The following MTF2 variants were observed in gnomAD, a reference collection of about 807,000 sequenced individuals.
MTF2 encodes metal response element binding transcription factor 2.
In MTF2, 11 loss-of-function variants were observed where a neutral mutation model predicts 79.5. The ratio of observed to expected loss-of-function variants is 0.14; its 90% CI spans 0.09 to 0.23. MTF2 has a LOEUF of 0.23. Among genes scored for constraint, MTF2 ranks in the 10% least tolerant of loss-of-function variants. The pLI is 1.00. For synonymous variants in MTF2, 208 were observed against 232.8 expected (o/e 0.89, Z 0.97); for missense variants, 486 against 711.2 (o/e 0.68, Z 3.60).
Position 93,127,407 on chromosome 1 carries a change from C to T in MTF2, c.989+108C>T. 2.9e-6 allele frequency: 2 copies of T among 681,674 alleles called. 1 individual carries two copies. The highest frequency in any genetic ancestry group is 3.8e-5 in the South Asian group (2 of 53,244). 42.2% of individuals were successfully genotyped at this position (681,674 alleles called of 1,614,324 possible). A position where few individuals can be genotyped will look rare whatever the true frequency, so the allele number is the denominator to read the frequency against. ...GATTGATGTACAGAAGAAGTCTATACCATTTTAAACTTTATAATGTCCTAT... is the reference window on the plus strand; with the variant it reads ...GATTGATGTACAGAAGAAGTCTATATCATTTTAAACTTTATAATGTCCTAT... On this transcript the variant is annotated intron_variant, in intron 10 of 14. Coordinates refer to ENST00000370298, the MANE Select transcript of MTF2 (RefSeq NM_007358.4).
chr1:93,125,801 A>G (rs1051534221), intron 9 of MTF2, among the ~76,000 whole-genome samples: 1 of 152,064 alleles, frequency 6.6e-6, no homozygotes, highest in Non-Finnish European at 1.5e-5. Context: ...TAATCTTATA[A>G]TTAGACATAA....
At chr1:93,085,092 G>A in intron 1 of MTF2, among the ~76,000 whole-genome samples, 1 of 152,040 alleles carries the variant, frequency 6.6e-6, no homozygotes, top group East Asian at 1.9e-4. Context: ...AGTTTGTGAA[G>A]TGCTTATCTA....
At chr1:93,090,448 A>G (rs1655030940) in intron 1 of MTF2, among the ~76,000 whole-genome samples, 1 of 150,908 alleles carries the variant, frequency 6.6e-6, no homozygotes, top group Non-Finnish European at 1.5e-5. Flanking sequence ...GGGTTTCTCC[A>G]TGCTGGCCAG....
At position 93,136,798 on chromosome 1, in the gene MTF2, A is replaced by T; in HGVS notation, c.1553A>T (p.Asp518Val). 6.2e-7 allele frequency: 1 copy of T among 1,614,230 alleles called. No individual in the cohort carries two copies. Among genetic ancestry groups the T allele is most frequent in the East Asian group, 2.2e-5 (1 of 44,892 alleles). ...LQTQNSEIVK[D>V]DEGKEDYQFD... Reference sequence around the variant, plus strand: ...ACTCAGAACTCAGAAATTGTAAAAGATGATGAAGGCAAAGAAGATTATCAG... The same window carrying T: ...ACTCAGAACTCAGAAATTGTAAAAGTTGATGAAGGCAAAGAAGATTATCAG... Residue 518 changes from aspartate (D) to valine (V), a missense_variant, in exon 15 of 15, where the codon GAT becomes GTT. Asp to Val is a radical substitution (Grantham distance 152). Transcript: ENST00000370298.
At chr1:93,113,216 C>CAAA (rs34291057) in intron 3 of MTF2, among the ~76,000 whole-genome samples, 109 of 106,994 alleles carry the variant, frequency 1.0e-3, no homozygotes, top group African/African-American at 1.8e-3. Flanking sequence ...CCTGTCGCTA[C>CAAA]AAAAAAAAAA....
At chr1:93,094,930 T>G (rs570709088) in intron 1 of MTF2, among the ~76,000 whole-genome samples, 2 of 152,374 alleles carry the variant, frequency 1.3e-5, no homozygotes, top group East Asian at 3.8e-4. Context: ...GTGCCTTGTA[T>G]TTCCCTTGAT....
chr1:93,135,304 G>C (rs1451016957), intron 14 of MTF2, among the ~76,000 whole-genome samples: 5 of 152,118 alleles, frequency 3.3e-5, no homozygotes, highest in Non-Finnish European at 7.4e-5. Context: ...CATCATGTCA[G>C]GTATGAAAAG....
chr1:93,131,338 AT>A (rs1242077943), intron 11 of MTF2, among the ~76,000 whole-genome samples: 1 of 152,214 alleles, frequency 6.6e-6, no homozygotes, highest in East Asian at 1.9e-4. Flanking sequence ...AAAGAAAAAT[AT>A]TTATTGCATA....
intron 1 of MTF2, 34 bp from the exon 2 acceptor site, chr1:93,110,196 A>C: frequency 6.3e-7 from 1 of 1,578,870 alleles, no homozygotes; most frequent in Non-Finnish European, 8.7e-7. Flanking sequence ...CTCTACAAGT[A>C]AGTCTTATGT....
rs750868082 is a variant in MTF2, at chr1:93,079,551, G to A, written c.5+20G>A. On this transcript the variant is annotated intron_variant, in intron 1 of 14. Coordinates refer to ENST00000370298, the MANE Select transcript of MTF2 (RefSeq NM_007358.4). The stretch of plus-strand genomic sequence containing the variant: ...AATGAGGTGAGAGACCTTGGCCTGG[G>A]AACCGACTCTTCCGGAGGAGATGGG... 1 of 1,612,884 alleles carries A rather than the reference G, an allele frequency of 6.2e-7. No homozygotes were observed. Among genetic ancestry groups the A allele is most frequent in the Non-Finnish European group, 8.5e-7 (1 of 1,179,656 alleles).
At chr1:93,100,710 T>C (rs534687199) in intron 1 of MTF2, among the ~76,000 whole-genome samples, 2 of 152,348 alleles carry the variant, frequency 1.3e-5, no homozygotes, top group African/African-American at 4.8e-5. Flanking sequence ...GACATTCTAC[T>C]TTCAGGGAAA....
intron 9 of MTF2, among the ~76,000 whole-genome samples, chr1:93,125,231 C>A (rs1656645269): frequency 6.6e-6 from 1 of 150,844 alleles, no homozygotes; most frequent in Non-Finnish European, 1.5e-5. Context: ...TAAGGAAAAT[C>A]TCTTATTAGA....
At chr1:93,131,033 G>A (rs1656897518) in intron 11 of MTF2, among the ~76,000 whole-genome samples, 1 of 152,146 alleles carries the variant, frequency 6.6e-6, no homozygotes, top group Admixed American at 6.6e-5. Flanking sequence ...GAGCTCATAG[G>A]AGAGGTCTGG....
At chr1:93,125,523 A>G (rs1656660136) in intron 9 of MTF2, among the ~76,000 whole-genome samples, 1 of 152,008 alleles carries the variant, frequency 6.6e-6, no homozygotes, top group South Asian at 2.1e-4. Context: ...CTTTGTCTCT[A>G]CCTTCAATTC....
chr1:93,120,100 C>T (rs1036344153), intron 8 of MTF2: 6 of 152,436 alleles, frequency 3.9e-5, no homozygotes, highest in South Asian at 4.1e-4. Flanking sequence ...CTGGCCAACA[C>T]GGTGAAACCA....
At chr1:93,127,722 C>G (rs1272684303) in intron 10 of MTF2, among the ~76,000 whole-genome samples, 1 of 152,022 alleles carries the variant, frequency 6.6e-6, no homozygotes, top group East Asian at 1.9e-4. Context: ...CCATTAGTTA[C>G]AGAAAATAAT....
intron 11 of MTF2, among the ~76,000 whole-genome samples, chr1:93,131,250 A>C (rs1213484098): frequency 6.6e-6 from 1 of 152,242 alleles, no homozygotes; most frequent in Non-Finnish European, 1.5e-5. Context: ...TGTCATGACA[A>C]CCAAAAGAAA....
intron 1 of MTF2, among the ~76,000 whole-genome samples, chr1:93,101,361 T>C (rs1655520055): frequency 7.0e-6 from 1 of 142,720 alleles, no homozygotes; most frequent in South Asian, 2.2e-4. Context: ...ATTTACTATC[T>C]TAACCTTTTT....
chr1:93,131,627 T>C (rs1656920202), intron 11 of MTF2, among the ~76,000 whole-genome samples: 1 of 152,156 alleles, frequency 6.6e-6, no homozygotes, highest in Admixed American at 6.5e-5. Context: ...AGCTTTCCTA[T>C]GTAGGGAGGC....
Sources: gnomAD v4.1 joint callset for allele counts (sites outside exome capture counted in the v4.1 genomes callset) on GRCh38, gnomAD v4.1.1 for gene constraint, MANE v1.5 for transcripts, NCBI Gene and HGNC (gene_info 2026-07-23, HGNC 2026-07-21) for gene names.